Variants in ARHGEF12 observed in about 807,000 individuals in gnomAD.
The protein encoded by ARHGEF12 is KMT2A/ARHGEF12 fusion protein.
ARHGEF12 carries 66 observed loss-of-function variants against 211.2 expected under a neutral mutation model. The ratio of observed to expected loss-of-function variants is 0.31; its 90% CI spans 0.26 to 0.38. The LOEUF (loss-of-function observed/expected upper bound fraction) is 0.38, where lower values mean the gene tolerates loss of function less well. Among genes scored for constraint, ARHGEF12 ranks in the 10% least tolerant of loss-of-function variants. The pLI, the probability that ARHGEF12 is intolerant of heterozygous loss-of-function variation, is 1.00. For synonymous variants in ARHGEF12, 592 were observed against 638.4 expected, an observed-to-expected ratio of 0.93 and a Z score of 1.09; for missense variants, 1,429 against 1,869.5, an observed-to-expected ratio of 0.76 and a Z score of 4.34.
chr11:120,385,811 C>CTTT (rs1447855482), intron 1 of ARHGEF12, among the ~76,000 whole-genome samples: 3 of 152,014 alleles, frequency 2.0e-5, no homozygotes, highest in Non-Finnish European at 4.4e-5. Context: ...CTTATGTTAC[C>CTTT]TTTTTAGAAC....
chr11:120,381,148 G>T (rs1047607195), intron 1 of ARHGEF12, among the ~76,000 whole-genome samples: 3 of 151,890 alleles, frequency 2.0e-5, no homozygotes, highest in Non-Finnish European at 2.9e-5. Context: ...TTGCTTTTAG[G>T]CCCTCTCAGG....
At position 120,459,193 on chromosome 11, in the gene ARHGEF12, A is replaced by G; in HGVS notation, c.2400A>G (p.Arg800=). ...EVINELFYTE[R]AHVRTLKVLD... ...GTTCAGAATTGTTCTACACTGAAAG[A>G]GCTCATGTTCGAACACTGAAGGTTC... Residue 800 remains arginine, a synonymous_variant, in exon 26 of 41, where the codon AGA becomes AGG. Coordinates refer to ENST00000397843, the MANE Select transcript of ARHGEF12 (RefSeq NM_015313.3). The G allele has an allele frequency of 6.2e-7, 1 of 1,612,620 alleles. No homozygotes were observed.
rs576810177 is a variant in ARHGEF12 at position 120,359,716 on chromosome 11, A to G, written c.32+22441A>G. Among the ~76,000 whole-genome samples the G allele has an allele frequency of 3.0e-4, 46 of 151,372 alleles. No individual in the cohort carries two copies. In the South Asian group the frequency reaches 9.6e-3, roughly 32 times the overall value. On this transcript the variant is annotated intron_variant, in intron 1 of 40. Coordinates refer to ENST00000397843, the MANE Select transcript of ARHGEF12 (RefSeq NM_015313.3). Reference sequence around the variant, plus strand: ...AGATCAACAAGGATGAGATTGAACCAGAAAGACAGTTAATATAGTATCTTG... The same window carrying G: ...AGATCAACAAGGATGAGATTGAACCGGAAAGACAGTTAATATAGTATCTTG...
At chr11:120,337,947 A>G in intron 1 of ARHGEF12, 2 of 971,748 alleles carry the variant, frequency 2.1e-6, no homozygotes, top group Non-Finnish European at 2.4e-6. Flanking sequence ...TAAGAGATAT[A>G]AGCCGTAAGC....
At chr11:120,371,691 T>G (rs1943592915) in intron 1 of ARHGEF12, among the ~76,000 whole-genome samples, 1 of 152,218 alleles carries the variant, frequency 6.6e-6, no homozygotes, top group Non-Finnish European at 1.5e-5. Flanking sequence ...GCAAATATGA[T>G]AATTATGAGG....
rs186565345 is a variant in ARHGEF12, at chr11:120,465,591, C to T, written c.2739+229C>T. On this transcript the variant is annotated intron_variant, in intron 28 of 40. Transcript: ENST00000397843. Reference sequence around the variant, plus strand: ...AAGCGATTCTCCTGCCTCAGCCTTCCTAGTAGTTAGGATTACAGGTACATG... The same window carrying T: ...AAGCGATTCTCCTGCCTCAGCCTTCTTAGTAGTTAGGATTACAGGTACATG... 1.2e-4 allele frequency among the ~76,000 whole-genome samples: 19 copies of T among 152,124 alleles called. No individual in the cohort carries two copies. The East Asian group carries it at 2.9e-3, about 23-fold the overall frequency.
chr11:120,343,040 G>A (rs551547669), intron 1 of ARHGEF12, among the ~76,000 whole-genome samples: 62 of 149,146 alleles, frequency 4.2e-4, no homozygotes, highest in South Asian at 3.9e-3. Flanking sequence ...ACATGTTAGT[G>A]AAATAACAAT....
chr11:120,380,238 C>T (rs563314603), intron 1 of ARHGEF12, among the ~76,000 whole-genome samples: 1 of 152,202 alleles, frequency 6.6e-6, no homozygotes, highest in Admixed American at 6.5e-5. Flanking sequence ...CGTAGAGTTC[C>T]CATATACCCT....
intron 5 of ARHGEF12, 64 bp downstream of exon 5, chr11:120,420,915 A>C: frequency 7.3e-7 from 1 of 1,372,186 alleles, no homozygotes; most frequent in Non-Finnish European, 1.0e-6. Context: ...AAGCTTAAAT[A>C]ATGGCAATTG....
intron 1 of ARHGEF12, among the ~76,000 whole-genome samples, chr11:120,340,998 C>G (rs1413935120): frequency 2.0e-5 from 3 of 152,114 alleles, no homozygotes; most frequent in Non-Finnish European, 4.4e-5. Flanking sequence ...ATATGTTAAC[C>G]TTGGAATACC....
At chr11:120,421,682 C>G in intron 5 of ARHGEF12, 121 bp from the exon 6 acceptor site, 1 of 823,674 alleles carries the variant, frequency 1.2e-6, no homozygotes, top group South Asian at 1.5e-5. Context: ...GTGATCCGCC[C>G]GCCTCGGCCT....
chr11:120,371,875 A>G lies in ARHGEF12; in HGVS notation c.33-34243A>G, dbSNP rs551313190. On this transcript the variant is annotated intron_variant, in intron 1 of 40. Coordinates refer to ENST00000397843, the MANE Select transcript of ARHGEF12 (RefSeq NM_015313.3). ...AAGGTTTCAAGACAATATTGGGAAC[A>G]ATATCTGCTACAACAGTTTCATAAG... Among the ~76,000 whole-genome samples, 32 of 152,402 alleles carry G rather than the reference A, an allele frequency of 2.1e-4. No homozygotes were observed. The South Asian group carries it at 6.4e-3, about 31-fold the overall frequency.
chr11:120,353,373 C>G (rs541889887), intron 1 of ARHGEF12, among the ~76,000 whole-genome samples: 1 of 152,328 alleles, frequency 6.6e-6, no homozygotes, highest in Admixed American at 6.5e-5. Flanking sequence ...ACCGTGGGAT[C>G]AAGTTCAGGG....
intron 17 of ARHGEF12, 139 bp downstream of exon 17, chr11:120,446,647 C>A: frequency 1.4e-6 from 1 of 724,978 alleles, no homozygotes. Context: ...TAATGAACAT[C>A]TGGAGCCAAA....
chr11:120,475,609 AT>A, intron 33 of ARHGEF12, 102 bp downstream of exon 33: 1 of 1,225,496 alleles, frequency 8.2e-7, no homozygotes, highest in Non-Finnish European at 1.1e-6. Flanking sequence ...GAGTCTTGCT[AT>A]TTTTATATTC....
rs1191875965 is a variant in ARHGEF12 at position 120,442,152 on chromosome 11, A to T, written c.1252A>T (p.Thr418Ser). 4 of 1,610,488 alleles carry T rather than the reference A, an allele frequency of 2.5e-6. No homozygotes were observed. The East Asian group carries it at 8.9e-5, about 36-fold the overall frequency. Residue 418 changes from threonine (T) to serine (S), a missense_variant, in exon 15 of 41, where the codon ACT becomes TCT. Physicochemically the swap from Thr to Ser is moderately conservative, Grantham distance 58. Coordinates refer to ENST00000397843, the MANE Select transcript of ARHGEF12 (RefSeq NM_015313.3). ...GTATAAACATACCAATTCCAAAGAA[A>T]CTCGTCGCATCTTCCTTGAGTTTCA... is the stretch of plus-strand genomic sequence containing the variant. ...DLYKHTNSKE[T>S]RRIFLEFHQF...
chr11:120,448,502 C>A lies in ARHGEF12; in HGVS notation c.1737+154C>A, dbSNP rs1946111116. 4 of 611,276 alleles carry A rather than the reference C, an allele frequency of 6.5e-6. No homozygotes were observed. In the Admixed American group the frequency reaches 9.3e-5, roughly 14 times the overall value. 37.9% of individuals were successfully genotyped at this position (611,276 alleles called of 1,614,324 possible). ...ATACTGTCTCTGTTCTCAAGAAACT[C>A]AAAATACAGTGAGAAATCCAGACAT... On this transcript the variant is annotated intron_variant, in intron 20 of 40. Transcript: ENST00000397843.
Position 120,336,835 on chromosome 11 carries a change from G to A in ARHGEF12, c.-409G>A. On this transcript the variant is annotated 5_prime_UTR_variant, in exon 1 of 41. Transcript: ENST00000397843. ...GAGGGCCCCGGCCCTTGCCGCGGCGGGGAGTTCGAGGCCCCGAGACTCCGG... is the reference window on the plus strand; with the variant it reads ...GAGGGCCCCGGCCCTTGCCGCGGCGAGGAGTTCGAGGCCCCGAGACTCCGG... 1 of 353,644 alleles carries A rather than the reference G, an allele frequency of 2.8e-6. No homozygotes were observed. The highest frequency in any genetic ancestry group is 4.2e-5 in the East Asian group (1 of 24,086). 21.9% of individuals were successfully genotyped at this position (353,644 alleles called of 1,614,324 possible).
chr11:120,383,893 G>A (rs916590531), intron 1 of ARHGEF12, among the ~76,000 whole-genome samples: 1 of 152,220 alleles, frequency 6.6e-6, no homozygotes, highest in African/African-American at 2.4e-5. Context: ...CTAAAGTTTT[G>A]TTTGGTGATC....
Sources: gnomAD v4.1 joint callset for allele counts (sites outside exome capture counted in the v4.1 genomes callset) on GRCh38, gnomAD v4.1.1 for gene constraint, MANE v1.5 for transcripts, NCBI Gene and HGNC (gene_info 2026-07-23, HGNC 2026-07-21) for gene names.